The following PNPLA7 variants were observed in gnomAD, a reference collection of about 807,000 sequenced individuals.
PNPLA7 encodes the protein patatin like domain 7, lysophospholipase.
In PNPLA7, 153 loss-of-function variants were observed where a neutral mutation model predicts 161.7. The ratio of observed to expected loss-of-function variants is 0.95; its 90% CI spans 0.83 to 1.08. The LOEUF is 1.08. PNPLA7 is among the 50% of genes least tolerant of loss of function. The pLI, the probability that PNPLA7 is intolerant of heterozygous loss-of-function variation, is 0.00. For synonymous variants in PNPLA7, 809 were observed against 782.1 expected (o/e 1.03, Z -0.57); for missense variants, 1,739 against 1,856.6 (o/e 0.94, Z 1.16).
chr9:137,538,683 G>A (rs559703058), intron 8 of PNPLA7, among the ~76,000 whole-genome samples: 12 of 152,356 alleles, frequency 7.9e-5, no homozygotes, highest in African/African-American at 2.6e-4. Flanking sequence ...GCAAAATTCA[G>A]CTAATGGACA....
rs1009790933 is a variant in PNPLA7 at position 137,495,272 on chromosome 9, G to A, written c.2014-126C>T. ...CACCCCATCCACACCGCAAGGCGGAGGCAGTCAGTGAGTGCTGGCGGGCGA... is the reference window on the plus strand; with the variant it reads ...CACCCCATCCACACCGCAAGGCGGAAGCAGTCAGTGAGTGCTGGCGGGCGA... On this transcript the variant is annotated intron_variant, in intron 18 of 34. Transcript: ENST00000406427. 5 of 642,312 alleles carry A rather than the reference G, an allele frequency of 7.8e-6. No individual in the cohort carries two copies. In the Admixed American group the frequency reaches 1.2e-4, roughly 15 times the overall value. The allele number at this position is 642,312 out of a possible 1,614,324, so 39.8% of individuals were successfully genotyped here.
At chr9:137,480,841 C>G (rs1384640766) in intron 22 of PNPLA7, 119 bp downstream of exon 22, 1 of 1,117,582 alleles carries the variant, frequency 8.9e-7, no homozygotes, top group Non-Finnish European at 1.3e-6. Flanking sequence ...CCTCACACCA[C>G]AGTGTGCTGG....
Position 137,464,383 on chromosome 9 carries a change from A to G in PNPLA7, c.3113T>C (p.Phe1038Ser). ...PITSMFSGAG[F>S]NSSIFSVFKD... ...GAAGACGCTGAAGATGCTGCTGTTGAAGCCGGCTCCGGAGAACATGGACGT... is the reference window on the plus strand; with the variant it reads ...GAAGACGCTGAAGATGCTGCTGTTGGAGCCGGCTCCGGAGAACATGGACGT... Residue 1038 changes from phenylalanine (F) to serine (S), a missense_variant, in exon 27 of 35, where the codon TTC becomes TCC. Transcript: ENST00000406427. 3.1e-6 allele frequency: 5 copies of G among 1,613,866 alleles called. No individual in the cohort carries two copies. In the Middle Eastern group the frequency reaches 8.3e-4, roughly 266 times the overall value.
intron 8 of PNPLA7, among the ~76,000 whole-genome samples, chr9:137,536,550 T>C (rs943539490): frequency 1.3e-5 from 2 of 152,160 alleles, no homozygotes; most frequent in Non-Finnish European, 2.9e-5. Context: ...CGTGAATCTG[T>C]AACAGGTGCA....
rs35769874 is a variant in PNPLA7 at position 137,547,747 on chromosome 9, A to AG, written c.31-89dup. 1 of 1,275,438 alleles carries AG rather than the reference A, an allele frequency of 7.8e-7. No individual in the cohort carries two copies. Among genetic ancestry groups the AG allele is most frequent in the Non-Finnish European group, 1.1e-6 (1 of 875,032 alleles). The allele number at this position is 1,275,438 out of a possible 1,614,324, so 79.0% of individuals were successfully genotyped here. ...AGCAGCAGGAGGAGAGCTGGGAGTT[A>AG]GGGGAGAAGTCAGCAGCCCTGGAGA... On this transcript the variant is annotated intron_variant, in intron 1 of 34. Coordinates refer to ENST00000406427, the MANE Select transcript of PNPLA7 (RefSeq NM_001098537.3). This position sits in a 1 kb window ranked among gnomAD's most constrained non-coding sequence, Gnocchi z 4.6.
At chr9:137,502,407 G>A (rs1326337771) in intron 14 of PNPLA7, among the ~76,000 whole-genome samples, 1 of 151,654 alleles carries the variant, frequency 6.6e-6, no homozygotes, top group Non-Finnish European at 1.5e-5. Context: ...CCCTGACGGT[G>A]AAGGGGGTGA....
intron 20 of PNPLA7, among the ~76,000 whole-genome samples, chr9:137,489,924 G>A (rs1163336889): frequency 1.3e-5 from 2 of 152,224 alleles, no homozygotes; most frequent in African/African-American, 2.4e-5. Flanking sequence ...AGGGGCACAC[G>A]AGTGGAAGAA....
chr9:137,493,888 C>G (rs1832901288), intron 19 of PNPLA7, among the ~76,000 whole-genome samples: 1 of 152,326 alleles, frequency 6.6e-6, no homozygotes, highest in African/African-American at 2.4e-5. Context: ...CATAAGTGGG[C>G]AAGTACAGCA....
Position 137,524,655 on chromosome 9 carries a change from G to A in PNPLA7, c.748-1798C>T, listed in dbSNP as rs1020686764. On this transcript the variant is annotated intron_variant, in intron 8 of 34. Transcript: ENST00000406427. This position sits in a 1 kb window ranked among gnomAD's most constrained non-coding sequence, Gnocchi z 4.4. ...AAACTACCAAACTGTCTCCTACAGC[G>A]GCTGCCGTGCTTTGCATTCTCACCA... 1.3e-5 allele frequency among the ~76,000 whole-genome samples: 2 copies of A among 152,158 alleles called. No individual in the cohort carries two copies. Among genetic ancestry groups the A allele is most frequent in the South Asian group, 2.1e-4 (1 of 4,826 alleles).
Position 137,513,060 on chromosome 9 carries a change from A to G in PNPLA7, c.1225+2319T>C, listed in dbSNP as rs1033933698. 5.9e-5 allele frequency among the ~76,000 whole-genome samples: 9 copies of G among 152,282 alleles called. No individual in the cohort carries two copies. In the East Asian group the frequency reaches 1.3e-3, roughly 23 times the overall value. On this transcript the variant is annotated intron_variant, in intron 12 of 34. Transcript: ENST00000406427. ...AAAAAAAGCAAGAGAGAGATGACAG[A>G]TTGTTTTATTAATGGTGTTGGGTAA...
chr9:137,461,961 C>T lies in PNPLA7; in HGVS notation c.3726G>A (p.Gln1242=), dbSNP rs1401407712. ...TCGCGGGCTTCTTGCTCGGCCCCTG[C>T]TGGTCGCGGAGCATCTTCTCCAGCA... ...SGVLEKMLRD[Q]QGPSKKPASA... Residue 1242 remains glutamine, a synonymous_variant, in exon 32 of 35, where the codon CAG becomes CAA. Coordinates refer to ENST00000406427, the MANE Select transcript of PNPLA7 (RefSeq NM_001098537.3). 1 of 1,594,118 alleles carries T rather than the reference C, an allele frequency of 6.3e-7. No homozygotes were observed. Among genetic ancestry groups the T allele is most frequent in the Non-Finnish European group, 8.5e-7 (1 of 1,174,156 alleles).
intron 12 of PNPLA7, 22 bp from the exon 13 acceptor site, chr9:137,506,105 A>C: frequency 6.3e-7 from 1 of 1,596,782 alleles, no homozygotes; most frequent in Non-Finnish European, 8.6e-7. Context: ...GGGGACACTC[A>C]GGACACGGTT....
intron 7 of PNPLA7, 33 bp downstream of exon 7, chr9:137,542,609 C>G: frequency 6.5e-7 from 1 of 1,535,712 alleles, no homozygotes; most frequent in Non-Finnish European, 8.8e-7. Context: ...AATGCGCAGC[C>G]GCCTGACCCC....
chr9:137,475,010 C>CAAAAAAAAAAAAAAA (rs58417100), intron 25 of PNPLA7, among the ~76,000 whole-genome samples: 20 of 63,616 alleles, frequency 3.1e-4, no homozygotes, highest in African/African-American at 1.3e-3. Flanking sequence ...GACTCTGCCT[C>CAAAAAAAAAAAAAAA]AAAAAAAAAA....
intron 20 of PNPLA7, 81 bp downstream of exon 20, chr9:137,492,932 C>T (rs1330392860): frequency 3.2e-5 from 28 of 864,808 alleles, no homozygotes; most frequent in South Asian, 5.4e-5. Context: ...GCTGGGAGGG[C>T]GGGGCCATGG....
intron 20 of PNPLA7, among the ~76,000 whole-genome samples, chr9:137,489,583 G>A (rs1009287429): frequency 3.3e-5 from 5 of 152,192 alleles, no homozygotes; most frequent in East Asian, 3.8e-4. Flanking sequence ...TCTCCAGGAC[G>A]ATAAAGCTGT....
chr9:137,497,008 C>T (rs146505234), intron 18 of PNPLA7, among the ~76,000 whole-genome samples, 179 bp downstream of exon 18: 1 of 152,112 alleles, frequency 6.6e-6, no homozygotes, highest in African/African-American at 2.4e-5. Context: ...GCGGGGAGTC[C>T]CCCCAATGGA....
rs557845228 is a variant in PNPLA7 at position 137,460,699 on chromosome 9, G to A, written c.3880C>T (p.Leu1294=). The A allele has an allele frequency of 1.9e-6, 3 of 1,612,874 alleles. No individual in the cohort carries two copies. In the East Asian group the frequency reaches 6.7e-5, roughly 36 times the overall value. Residue 1294 remains leucine (L), a synonymous_variant, in exon 34 of 35, where the codon CTG becomes TTG. Coordinates refer to ENST00000406427, the MANE Select transcript of PNPLA7 (RefSeq NM_001098537.3). ...GCGTATGCATCCCTGGGGACGTCCAGCAGCTCCTCCTCGTACTCCGTCTGG... is the reference window on the plus strand; with the variant it reads ...GCGTATGCATCCCTGGGGACGTCCAACAGCTCCTCCTCGTACTCCGTCTGG... ...DYQTEYEEEL[L]DVPRDAYADF...
intron 15 of PNPLA7, 79 bp downstream of exon 15, chr9:137,501,571 G>C: frequency 7.2e-7 from 1 of 1,393,556 alleles, no homozygotes. Flanking sequence ...GTCCAGTCCA[G>C]GCCCTCCTCT....
Sources: gnomAD v4.1 joint callset for allele counts (sites outside exome capture counted in the v4.1 genomes callset) on GRCh38, gnomAD v4.1.1 for gene constraint, Gnocchi (gnomAD v3.1) non-coding constraint, MANE v1.5 for transcripts, NCBI Gene and HGNC (gene_info 2026-07-23, HGNC 2026-07-21) for gene names.